Variants in SEMA5A observed in about 807,000 individuals in gnomAD.
SEMA5A encodes the protein semaphorin 5A.
A neutral mutation model predicts 135.5 loss-of-function variants in SEMA5A; 55 were observed. The ratio of observed to expected loss-of-function variants is 0.41; its 90% confidence interval spans 0.33 to 0.51. The LOEUF (loss-of-function observed/expected upper bound fraction) is 0.51, where lower values mean the gene tolerates loss of function less well. Among genes scored for constraint, SEMA5A ranks in the 20% least tolerant of loss-of-function variants. The probability of loss-of-function intolerance (pLI) is 0.37; values close to 1 mark genes in which losing one functional copy is unlikely to be tolerated. For missense variants in SEMA5A, 1,290 were observed against 1,419.9 expected, an observed-to-expected ratio of 0.91 and a Z score of 1.47; for synonymous variants, 580 against 546.5, an observed-to-expected ratio of 1.06 and a Z score of -0.85.
At chr5:9,160,018 C>T (rs2526118) in intron 11 of SEMA5A, among the ~76,000 whole-genome samples, 78,908 of 151,666 alleles carry the variant, frequency 0.52, 23,886 homozygotes, top group Middle Eastern at 0.72. Flanking sequence ...CACATGGACA[C>T]AGAGAGGGGG....
intron 16 of SEMA5A, among the ~76,000 whole-genome samples, chr5:9,103,136 G>A (rs1739720457): frequency 6.6e-6 from 1 of 152,192 alleles, no homozygotes. Context: ...TGAGTGGAAA[G>A]ACCTGGACCG....
rs543977001 is a variant in SEMA5A, at chr5:9,381,541, C to T, written c.-77-1518G>A. Among the ~76,000 whole-genome samples the T allele has an allele frequency of 2.0e-5, 3 of 152,290 alleles. No homozygotes were observed. The South Asian group carries it at 6.2e-4, about 32-fold the overall frequency. Reference sequence around the variant, plus strand: ...GCCTGGCAGTTGCTACATCCTGTAGCTTAGAACACATTCTTTAAGACACTG... The same window carrying T: ...GCCTGGCAGTTGCTACATCCTGTAGTTTAGAACACATTCTTTAAGACACTG... On this transcript the variant is annotated intron_variant, in intron 2 of 22. Transcript: ENST00000382496.
intron 5 of SEMA5A, among the ~76,000 whole-genome samples, chr5:9,266,133 G>C (rs1749673520): frequency 6.6e-6 from 1 of 152,190 alleles, no homozygotes; most frequent in African/African-American, 2.4e-5. Flanking sequence ...CTGCCTTGAG[G>C]GCATTTTAGG....
At chr5:9,315,376 T>C (rs1174762622) in intron 5 of SEMA5A, among the ~76,000 whole-genome samples, 1 of 152,178 alleles carries the variant, frequency 6.6e-6, no homozygotes, top group Non-Finnish European at 1.5e-5. Flanking sequence ...CATTCTCCTA[T>C]ATTACAGTTA....
intron 3 of SEMA5A, among the ~76,000 whole-genome samples, chr5:9,364,077 A>G (rs1338192139): frequency 1.3e-5 from 2 of 152,186 alleles, no homozygotes; most frequent in African/African-American, 4.8e-5. Context: ...AAACACATGC[A>G]AAGTTCACTA....
intron 13 of SEMA5A, among the ~76,000 whole-genome samples, chr5:9,123,294 A>AAAAAAAAAAAAATG (rs1740924968): frequency 7.0e-6 from 1 of 142,628 alleles, no homozygotes; most frequent in Non-Finnish European, 1.5e-5. Context: ...AAAAAAAAAA[A>AAAAAAAAAAAAATG]GATTGCATAA....
chr5:9,464,082 G>T (rs547246853), intron 1 of SEMA5A, among the ~76,000 whole-genome samples: 1 of 152,094 alleles, frequency 6.6e-6, no homozygotes. Flanking sequence ...CCTGAGCAGC[G>T]TTCCTGGTCT....
intron 11 of SEMA5A, among the ~76,000 whole-genome samples, chr5:9,169,101 G>A (rs1743771613): frequency 6.6e-6 from 1 of 152,142 alleles, no homozygotes. Context: ...TAACAATGCT[G>A]TACTTTACAG....
At chr5:9,044,975 G>A (rs1299808226) in intron 21 of SEMA5A, among the ~76,000 whole-genome samples, 1 of 151,914 alleles carries the variant, frequency 6.6e-6, no homozygotes, top group Non-Finnish European at 1.5e-5. Flanking sequence ...AGTAGAGATG[G>A]GGTTTCTCCA....
At chr5:9,233,343 T>A (rs1747734415) in intron 6 of SEMA5A, among the ~76,000 whole-genome samples, 1 of 152,232 alleles carries the variant, frequency 6.6e-6, no homozygotes, top group Non-Finnish European at 1.5e-5. Flanking sequence ...TAAAATAATA[T>A]TTGTGTAAAA....
At chr5:9,241,106 C>T (rs1748167960) in intron 5 of SEMA5A, among the ~76,000 whole-genome samples, 1 of 152,054 alleles carries the variant, frequency 6.6e-6, no homozygotes, top group Non-Finnish European at 1.5e-5. Context: ...ATTGTGGTTA[C>T]TTGAATATTC....
chr5:9,404,093 C>T (rs1001616396), intron 2 of SEMA5A, among the ~76,000 whole-genome samples: 1 of 152,110 alleles, frequency 6.6e-6, no homozygotes, highest in African/African-American at 2.4e-5. Flanking sequence ...TGCCACCATG[C>T]CAGGCTAATT....
At chr5:9,529,334 T>C (rs1318022259) in intron 1 of SEMA5A, among the ~76,000 whole-genome samples, 3 of 152,198 alleles carry the variant, frequency 2.0e-5, no homozygotes, top group Non-Finnish European at 4.4e-5. Flanking sequence ...TCGGCACCTT[T>C]CCTAGAGGTC....
intron 2 of SEMA5A, among the ~76,000 whole-genome samples, chr5:9,380,930 G>A (rs984796295): frequency 1.1e-4 from 16 of 151,656 alleles, no homozygotes; most frequent in African/African-American, 3.4e-4. Flanking sequence ...CTGGAAGGAC[G>A]TTCCGTCCCC....
At chr5:9,079,727 G>A (rs183780238) in intron 16 of SEMA5A, among the ~76,000 whole-genome samples, 1 of 152,144 alleles carries the variant, frequency 6.6e-6, no homozygotes, top group Admixed American at 6.6e-5. Flanking sequence ...CCATCAAAAA[G>A]TGGGTGAAGG....
chr5:9,479,384 T>C (rs1759787734), intron 1 of SEMA5A, among the ~76,000 whole-genome samples: 3 of 92,768 alleles, frequency 3.2e-5, no homozygotes, highest in East Asian at 3.4e-4. Context: ...ACCATGTCTA[T>C]GAAAAAAAAA....
intron 11 of SEMA5A, among the ~76,000 whole-genome samples, chr5:9,181,826 C>T (rs1220238124): frequency 6.6e-6 from 1 of 152,084 alleles, no homozygotes; most frequent in Non-Finnish European, 1.5e-5. Flanking sequence ...CCTTGCCAAC[C>T]CCGCATGGTA....
At chr5:9,457,900 CTTTTTTTTTTTTTTTT>C (rs70943966) in intron 1 of SEMA5A, among the ~76,000 whole-genome samples, 2 of 70,162 alleles carry the variant, frequency 2.9e-5, no homozygotes, top group African/African-American at 1.2e-4. Context: ...AGCATCTCTC[CTTTTTTTTTTTTTTTT>C]TTTTTTTTTG....
intron 2 of SEMA5A, among the ~76,000 whole-genome samples, chr5:9,425,032 C>A (rs1184882232): frequency 6.6e-6 from 1 of 152,150 alleles, no homozygotes; most frequent in Non-Finnish European, 1.5e-5. Flanking sequence ...TTCCCAATGC[C>A]CCTAATAGAC....
Sources: gnomAD v4.1 joint callset for allele counts (sites outside exome capture counted in the v4.1 genomes callset) on GRCh38, gnomAD v4.1.1 for gene constraint, MANE v1.5 for transcripts, NCBI Gene and HGNC (gene_info 2026-07-23, HGNC 2026-07-21) for gene names.